The following SEC24B variants were observed in gnomAD, a reference collection of about 807,000 sequenced individuals.
SEC24B encodes protein transport protein Sec24B.
Under a neutral mutation model 142.8 loss-of-function variants are expected in SEC24B, and 45 were observed. That is an observed-to-expected ratio of 0.32 (90% CI 0.25 to 0.40). The LOEUF is 0.40. Among genes scored for constraint, SEC24B ranks in the 10% least tolerant of loss-of-function variants. SEC24B has a pLI of 1.00. For missense variants in SEC24B, 1,409 were observed against 1,526.8 expected (o/e 0.92, Z 1.29); for synonymous variants, 574 against 568.2 (o/e 1.01, Z -0.15).
intron 1 of SEC24B, among the ~76,000 whole-genome samples, chr4:109,454,584 GGCCTCAGAAGTA>G (rs1434793956): frequency 2.0e-5 from 3 of 151,428 alleles, no homozygotes; most frequent in Non-Finnish European, 4.4e-5. Flanking sequence ...CCAAAATGAA[GGCCTCAGAAGTA>G]GCCTCAGAAG....
In SEC24B at chr4:109,525,354, T is replaced by G; in HGVS notation, c.2641T>G (p.Ser881Ala). The G allele has an allele frequency of 3.8e-6, 6 of 1,591,436 alleles. No individual in the cohort carries two copies. Among genetic ancestry groups the G allele is most frequent in the Non-Finnish European group, 5.1e-6 (6 of 1,171,340 alleles). ...YSDLASLACM[S>A]KYSAGCIYYY... ...TGTATTTCTCTCTAAAGCTTGCATG[T>G]CCAAGTATTCTGCAGGGTGCATCTA... The change falls in exon 16 of 24, where the codon TCC becomes GCC. Residue 881 changes from serine to alanine, a missense_variant. Around this residue, in one of 2 missense-constraint regions of SEC24B, gnomAD observed 700 missense variants for 853.3 expected, o/e 0.82. Coordinates refer to ENST00000265175, the MANE Select transcript of SEC24B (RefSeq NM_006323.5).
chr4:109,435,540 A>G (rs1394441083), intron 1 of SEC24B, among the ~76,000 whole-genome samples: 1 of 152,208 alleles, frequency 6.6e-6, no homozygotes, highest in Non-Finnish European at 1.5e-5. Flanking sequence ...ATCTTAGTGA[A>G]CAGTTTTTAA....
intron 20 of SEC24B, among the ~76,000 whole-genome samples, chr4:109,531,865 A>T (rs68041341): frequency 0.19 from 28,823 of 151,692 alleles, 3,178 homozygotes; most frequent in African/African-American, 0.31. Flanking sequence ...TCTTTTTTTT[A>T]AATTTTATTT....
chr4:109,443,248 ATTC>A (rs964025786), intron 1 of SEC24B, among the ~76,000 whole-genome samples: 1 of 152,174 alleles, frequency 6.6e-6, no homozygotes, highest in Non-Finnish European at 1.5e-5. Flanking sequence ...CCTGCATATT[ATTC>A]TTGTGTTATC....
chr4:109,449,404 T>A (rs1232752600), intron 1 of SEC24B: 1 of 346,778 alleles, frequency 2.9e-6, no homozygotes, highest in Non-Finnish European at 5.8e-6. Flanking sequence ...TTCTTTTTTT[T>A]TTTTTTTTGT....
At position 109,463,341 on chromosome 4, in the gene SEC24B, G is replaced by A. The variant is rs201445712; in HGVS notation, c.574G>A (p.Ala192Thr). The A allele has an allele frequency of 1.0e-4, 161 of 1,613,980 alleles. No homozygotes were observed. The highest frequency in any genetic ancestry group is 1.7e-4 in the African/African-American group (13 of 74,870). ...HYAMSTVSNA[A>T]YPSVSYPSLP... Reference sequence around the variant, plus strand: ...TGCTATGTCAACTGTTTCTAATGCCGCGTATCCTAGTGTTTCATATCCCTC... The same window carrying A: ...TGCTATGTCAACTGTTTCTAATGCCACGTATCCTAGTGTTTCATATCCCTC... The change falls in exon 2 of 24, where the codon GCG becomes ACG. Residue 192 changes from alanine (A) to threonine (T), a missense_variant. Transcript: ENST00000265175.
chr4:109,527,494 C>A, intron 18 of SEC24B, 62 bp downstream of exon 18: 1 of 1,257,016 alleles, frequency 8.0e-7, no homozygotes, highest in Non-Finnish European at 1.2e-6. Context: ...TGAAGCTTGG[C>A]TGGTGGCAGT....
At chr4:109,526,567 T>C (rs1312695032) in intron 17 of SEC24B, among the ~76,000 whole-genome samples, 168 bp downstream of exon 17, 1 of 152,224 alleles carries the variant, frequency 6.6e-6, no homozygotes, top group African/African-American at 2.4e-5. Context: ...TAACTCTCAC[T>C]TTTGCATCTT....
chr4:109,469,025 G>C (rs2125949004), intron 2 of SEC24B, among the ~76,000 whole-genome samples: 1 of 152,220 alleles, frequency 6.6e-6, no homozygotes, highest in East Asian at 1.9e-4. Flanking sequence ...CGGCATGTTG[G>C]CTCAGCCTGT....
intron 3 of SEC24B, among the ~76,000 whole-genome samples, chr4:109,476,080 A>G (rs1339673091): frequency 1.3e-5 from 2 of 150,272 alleles, no homozygotes; most frequent in Non-Finnish European, 3.0e-5. Flanking sequence ...TCTGCCTCCC[A>G]GATGCAAGCG....
intron 10 of SEC24B, among the ~76,000 whole-genome samples, chr4:109,515,589 A>G (rs1722759083): frequency 6.6e-6 from 1 of 152,006 alleles, no homozygotes; most frequent in Admixed American, 6.6e-5. Flanking sequence ...TGGCTTCCCA[A>G]AAGTGCTGGG....
At chr4:109,472,835 G>A (rs965516191) in intron 2 of SEC24B, among the ~76,000 whole-genome samples, 169 bp from the exon 3 acceptor site, 3 of 150,166 alleles carry the variant, frequency 2.0e-5, no homozygotes, top group African/African-American at 7.3e-5. Flanking sequence ...TAAATGTGAT[G>A]CTATTGAAGT....
At chr4:109,481,900 C>A (rs1422123283) in intron 4 of SEC24B, 119 bp downstream of exon 4, 2 of 683,202 alleles carry the variant, frequency 2.9e-6, no homozygotes, top group Non-Finnish European at 4.8e-6. Flanking sequence ...GATGAACTTA[C>A]GAGGTTTGCA....
chr4:109,468,241 T>A (rs1224437327), intron 2 of SEC24B, among the ~76,000 whole-genome samples: 1 of 152,236 alleles, frequency 6.6e-6, no homozygotes, highest in Non-Finnish European at 1.5e-5. Flanking sequence ...TAGCGTAATT[T>A]TACTCCCTCA....
At chr4:109,480,084 C>T (rs376899219) in intron 3 of SEC24B, among the ~76,000 whole-genome samples, 8 of 151,306 alleles carry the variant, frequency 5.3e-5, no homozygotes, top group African/African-American at 1.2e-4. Flanking sequence ...GCTATTTTAC[C>T]GATATTAAAA....
At chr4:109,529,054 T>A (rs1724594401) in intron 18 of SEC24B, among the ~76,000 whole-genome samples, 1 of 151,620 alleles carries the variant, frequency 6.6e-6, no homozygotes, top group Non-Finnish European at 1.5e-5. Context: ...TCCCAGCTAC[T>A]CAGGAGGCTG....
In SEC24B at chr4:109,463,312, A is replaced by T. The variant is rs1561087462; in HGVS notation, c.545A>T (p.His182Leu). 1 of 1,614,062 alleles carries T rather than the reference A, an allele frequency of 6.2e-7. No homozygotes were observed. Among genetic ancestry groups the T allele is most frequent in the Non-Finnish European group, 8.5e-7 (1 of 1,180,046 alleles). ...ASQGFPSTCG[H>L]YAMSTVSNAA... ...CAGGGATTTCCCTCTACTTGTGGTC[A>T]TTATGCTATGTCAACTGTTTCTAAT... Residue 182 changes from histidine (H) to leucine (L), a missense_variant, in exon 2 of 24, where the codon CAT becomes CTT. Physicochemically the swap from His to Leu is moderately conservative, Grantham distance 99. This residue lies in a region of SEC24B where 709 missense variants were observed against 673.5 expected (regional missense o/e 1.05). Transcript: ENST00000265175.
Position 109,526,316 on chromosome 4 carries a change from C to T in SEC24B, c.2882C>T (p.Ala961Val), listed in dbSNP as rs760995092. ...AACATCAATCCTGATGCTGGATTTG[C>T]GGTGCAGTTGTCAATTGAAGAAAGT... ...LANINPDAGF[A>V]VQLSIEESLT... is the part of the protein sequence containing the mutation. Residue 961 changes from alanine (A) to valine (V), a missense_variant, in exon 17 of 24, where the codon GCG (alanine) becomes GTG (valine). By Grantham distance (64) the Ala-to-Val change is moderately conservative. Around this residue, in one of 2 missense-constraint regions of SEC24B, gnomAD observed 700 missense variants for 853.3 expected, o/e 0.82. Transcript: ENST00000265175. 40 of 1,613,656 alleles carry T rather than the reference C, an allele frequency of 2.5e-5. No homozygotes were observed. Among genetic ancestry groups the T allele is most frequent in the Non-Finnish European group, 3.1e-5 (37 of 1,179,810 alleles).
chr4:109,438,581 C>T (rs1038448899), intron 1 of SEC24B, among the ~76,000 whole-genome samples: 1 of 152,224 alleles, frequency 6.6e-6, no homozygotes, highest in African/African-American at 2.4e-5. Flanking sequence ...GCATGAGCCA[C>T]CATGCCCAGC....
Sources: allele counts gnomAD v4.1 joint callset (sites outside exome capture counted in the v4.1 genomes callset), GRCh38; gene constraint gnomAD v4.1.1; regional missense constraint gnomAD v4.1.1; transcripts MANE v1.5; gene names NCBI Gene and HGNC (gene_info 2026-07-23, HGNC 2026-07-21).